The following FBXL7 variants were observed in gnomAD, a reference collection of about 807,000 sequenced individuals.
FBXL7 encodes the protein F-box/LRR-repeat protein 7.
Under a neutral mutation model 38.3 loss-of-function variants are expected in FBXL7, and 12 were observed. The ratio of observed to expected loss-of-function variants is 0.31; its 90% confidence interval spans 0.20 to 0.51. The LOEUF (loss-of-function observed/expected upper bound fraction) is 0.51. Among genes scored for constraint, FBXL7 ranks in the 20% least tolerant of loss-of-function variants. The pLI is 0.98. For synonymous variants in FBXL7, 297 were observed against 300.9 expected, an observed-to-expected ratio of 0.99 and a Z score of 0.13; for missense variants, 567 against 676.4, an observed-to-expected ratio of 0.84 and a Z score of 1.79.
At position 15,755,586 on chromosome 5, in the gene FBXL7, CTTGGGCAACAA is replaced by C. The variant is rs762179566; in HGVS notation, c.127+139515_127+139525del. ...GCAGTCTGCAAATAGCTATATTTTG[CTTGGGCAACAA>C]AGCCGAGGAAGCCTCAGTTTGTAAT... On this transcript the variant is annotated intron_variant, in intron 2 of 3. Coordinates refer to ENST00000504595, the MANE Select transcript of FBXL7 (RefSeq NM_012304.5). 4.5e-3 allele frequency among the ~76,000 whole-genome samples: 690 copies of C among 152,304 alleles called. 2 individuals carry two copies. The highest frequency in any genetic ancestry group is 7.6e-3 in the Non-Finnish European group (516 of 68,032).
At chr5:15,523,990 T>C (rs1035862146) in intron 1 of FBXL7, among the ~76,000 whole-genome samples, 3 of 152,228 alleles carry the variant, frequency 2.0e-5, no homozygotes, top group Non-Finnish European at 4.4e-5. Flanking sequence ...AAGATGACAG[T>C]TCATTTGCCA....
chr5:15,718,964 C>A (rs1026523928), intron 2 of FBXL7, among the ~76,000 whole-genome samples: 1 of 152,208 alleles, frequency 6.6e-6, no homozygotes, highest in East Asian at 1.9e-4. Context: ...AATCTGGGAT[C>A]TGCCTGTTAA....
At chr5:15,550,304 T>G (rs1738028474) in intron 1 of FBXL7, among the ~76,000 whole-genome samples, 3 of 152,164 alleles carry the variant, frequency 2.0e-5, no homozygotes, top group Admixed American at 2.0e-4. Flanking sequence ...GGAATGAAAA[T>G]CATGTCACAA....
intron 2 of FBXL7, among the ~76,000 whole-genome samples, chr5:15,746,173 A>G (rs955171332): frequency 6.6e-6 from 1 of 152,140 alleles, no homozygotes; most frequent in Non-Finnish European, 1.5e-5. Context: ...CTATTTAATG[A>G]CTCAAGGAAA....
chr5:15,858,164 G>A (rs994656044), intron 2 of FBXL7, among the ~76,000 whole-genome samples: 2 of 151,012 alleles, frequency 1.3e-5, no homozygotes, highest in African/African-American at 4.9e-5. Context: ...ACAACTATTA[G>A]AGATGGAAAA....
chr5:15,839,783 C>T (rs1738694079), intron 2 of FBXL7, among the ~76,000 whole-genome samples: 2 of 152,178 alleles, frequency 1.3e-5, no homozygotes, highest in South Asian at 2.1e-4. Flanking sequence ...TCCTCTTACT[C>T]CTACCTCTCC....
intron 2 of FBXL7, among the ~76,000 whole-genome samples, chr5:15,643,084 C>A (rs987234431): frequency 2.6e-5 from 4 of 152,124 alleles, no homozygotes; most frequent in African/African-American, 7.2e-5. Flanking sequence ...CCATGAGCAG[C>A]CAAGGTTTTC....
intron 2 of FBXL7, among the ~76,000 whole-genome samples, chr5:15,896,450 A>G (rs1741105802): frequency 6.6e-6 from 1 of 152,252 alleles, no homozygotes; most frequent in Non-Finnish European, 1.5e-5. Flanking sequence ...TCATAGTTCC[A>G]GCTAGGGTGT....
chr5:15,691,399 C>G (rs1430532516), intron 2 of FBXL7, among the ~76,000 whole-genome samples: 1 of 152,198 alleles, frequency 6.6e-6, no homozygotes, highest in African/African-American at 2.4e-5. Context: ...CGAATGATGC[C>G]CATTCCGGTT....
chr5:15,557,450 A>G (rs1485943343), intron 1 of FBXL7, among the ~76,000 whole-genome samples: 1 of 152,192 alleles, frequency 6.6e-6, no homozygotes, highest in Admixed American at 6.5e-5. Flanking sequence ...ATTTAAAGTG[A>G]GCCGTGCATC....
chr5:15,674,973 T>A (rs1742604960), intron 2 of FBXL7, among the ~76,000 whole-genome samples: 1 of 152,196 alleles, frequency 6.6e-6, no homozygotes, highest in African/African-American at 2.4e-5. Flanking sequence ...CAGTCTGTGT[T>A]ATGTGAATGA....
chr5:15,816,263 A>G (rs62350601), intron 2 of FBXL7, among the ~76,000 whole-genome samples: 1,297 of 31,988 alleles, frequency 0.041, 12 homozygotes, highest in Non-Finnish European at 0.082. Context: ...ATATATATAT[A>G]TGTGTGTATA....
intron 2 of FBXL7, among the ~76,000 whole-genome samples, chr5:15,635,772 G>C (rs1321593623): frequency 6.6e-6 from 1 of 152,166 alleles, no homozygotes; most frequent in East Asian, 1.9e-4. Context: ...ACGGTACTTT[G>C]AGAGAGGACA....
chr5:15,603,482 C>T (rs1739874077), intron 1 of FBXL7, among the ~76,000 whole-genome samples: 1 of 152,242 alleles, frequency 6.6e-6, no homozygotes, highest in Admixed American at 6.5e-5. Flanking sequence ...TCAAGCTCAA[C>T]CATCCAGTTA....
chr5:15,552,848 C>T (rs1024831357), intron 1 of FBXL7, among the ~76,000 whole-genome samples: 1 of 152,184 alleles, frequency 6.6e-6, no homozygotes, highest in Non-Finnish European at 1.5e-5. Flanking sequence ...CTTTGGGAGG[C>T]TGAGGTGGGA....
At chr5:15,868,253 G>T (rs1371587722) in intron 2 of FBXL7, among the ~76,000 whole-genome samples, 2 of 152,194 alleles carry the variant, frequency 1.3e-5, no homozygotes, top group African/African-American at 4.8e-5. Context: ...GTGGAATTCT[G>T]TCAACAGTCT....
chr5:15,829,812 A>G (rs1043802315), intron 2 of FBXL7, among the ~76,000 whole-genome samples: 9 of 152,152 alleles, frequency 5.9e-5, no homozygotes, highest in Non-Finnish European at 1.3e-4. Context: ...TTAATATATC[A>G]CCATTTTGTT....
At chr5:15,818,002 T>C (rs966245676) in intron 2 of FBXL7, among the ~76,000 whole-genome samples, 3 of 152,202 alleles carry the variant, frequency 2.0e-5, no homozygotes, top group Non-Finnish European at 2.9e-5. Flanking sequence ...GAGCTGGGGA[T>C]ATGGCAGGCA....
chr5:15,921,283 A>G (rs1741734190), intron 2 of FBXL7, among the ~76,000 whole-genome samples: 1 of 150,966 alleles, frequency 6.6e-6, no homozygotes, highest in South Asian at 2.1e-4. Context: ...CAGGAGGCTG[A>G]GTCAGGAGAA....
Sources: allele counts gnomAD v4.1 joint callset (sites outside exome capture counted in the v4.1 genomes callset), GRCh38; gene constraint gnomAD v4.1.1; transcripts MANE v1.5; gene names NCBI Gene and HGNC (gene_info 2026-07-23, HGNC 2026-07-21).